The following CPSF4 variants were observed in gnomAD, a reference collection of about 807,000 sequenced individuals.
CPSF4 encodes cleavage and polyadenylation specific factor 4, also known as cleavage and polyadenylation specificity factor subunit 4.
Under a neutral mutation model 37.7 loss-of-function variants are expected in CPSF4, and 11 were observed. The ratio of observed to expected loss-of-function variants is 0.29; its 90% CI spans 0.18 to 0.48. The LOEUF (loss-of-function observed/expected upper bound fraction) is 0.48, where lower values mean the gene tolerates loss of function less well. Among genes scored for constraint, CPSF4 ranks in the 20% least tolerant of loss-of-function variants. The probability of loss-of-function intolerance (pLI) is 0.99; values close to 1 mark genes in which losing one functional copy is unlikely to be tolerated. For synonymous variants in CPSF4, 132 were observed against 135.9 expected (o/e 0.97, Z 0.20); for missense variants, 144 against 359.5 (o/e 0.40, Z 4.85).
In CPSF4 at chr7:99,448,304, T is replaced by C; in HGVS notation, c.307+31T>C. Reference sequence around the variant, plus strand: ...GCGCCTGGAGCCCTGGAGGCTCTGCTGAGAACCAGGGTGCAGAGGGGTCCG... The same window carrying C: ...GCGCCTGGAGCCCTGGAGGCTCTGCCGAGAACCAGGGTGCAGAGGGGTCCG... On this transcript the variant is annotated intron_variant, in intron 3 of 7. Coordinates refer to ENST00000292476, the MANE Select transcript of CPSF4 (RefSeq NM_006693.4). The surrounding 1 kb of genome is among the most constrained non-coding windows in gnomAD (Gnocchi z 4.4). 1 of 1,612,482 alleles carries C rather than the reference T, an allele frequency of 6.2e-7. No individual in the cohort carries two copies. Among genetic ancestry groups the C allele is most frequent in the Non-Finnish European group, 8.5e-7 (1 of 1,179,092 alleles).
At chr7:99,452,981 C>G (rs537333163) in intron 6 of CPSF4, 1 of 153,308 alleles carries the variant, frequency 6.5e-6, no homozygotes, top group South Asian at 2.1e-4. Flanking sequence ...CTCCAGTTTT[C>G]TAGATGAGGG....
intron 4 of CPSF4, 144 bp from the exon 5 acceptor site, chr7:99,450,557 GC>G (rs1797859113): frequency 2.5e-6 from 2 of 793,536 alleles, no homozygotes; most frequent in Non-Finnish European, 4.2e-6. Flanking sequence ...TGGTCCACCC[GC>G]TTTTTTGATA....
At chr7:99,443,051 T>C (rs775841892) in intron 1 of CPSF4, 10 of 1,131,390 alleles carry the variant, frequency 8.8e-6, no homozygotes, top group Non-Finnish European at 1.4e-5. Flanking sequence ...AACCAAATCT[T>C]TGAGCTCTTT....
chr7:99,454,534 C>G (rs1190130964), intron 7 of CPSF4, among the ~76,000 whole-genome samples: 1 of 152,102 alleles, frequency 6.6e-6, no homozygotes, highest in African/African-American at 2.4e-5. Context: ...GTTACAGCAC[C>G]CCTGTCCCCA....
At chr7:99,442,581 C>T (rs1442097707) in intron 1 of CPSF4, among the ~76,000 whole-genome samples, 6 of 133,614 alleles carry the variant, frequency 4.5e-5, no homozygotes, top group African/African-American at 1.2e-4. Context: ...GTGTGAACCC[C>T]GGTGGGGCAG....
At chr7:99,441,616 A>G in intron 1 of CPSF4, 1 of 440,546 alleles carries the variant, frequency 2.3e-6, no homozygotes, top group South Asian at 1.6e-5. Flanking sequence ...CATGAGACTC[A>G]GTTCCCAGAA....
intron 1 of CPSF4, among the ~76,000 whole-genome samples, chr7:99,440,674 A>ATATATGTTTTTTTTT: frequency 2.3e-5 from 2 of 88,130 alleles, no homozygotes; most frequent in African/African-American, 1.9e-4. Flanking sequence ...ATATATATAT[A>ATATATGTTTTTTTTT]TTTTTTTTTT....
chr7:99,440,616 G>T (rs1046016205), intron 1 of CPSF4, among the ~76,000 whole-genome samples: 2 of 140,640 alleles, frequency 1.4e-5, no homozygotes, highest in Non-Finnish European at 3.0e-5. Flanking sequence ...CTCGGCCTTC[G>T]GAAGTACTGG....
In CPSF4 at chr7:99,450,322, G is replaced by A; in HGVS notation, c.354G>A (p.Glu118=). Residue 118 remains glutamate, a synonymous_variant, in exon 4 of 8, where the codon GAG becomes GAA. Coordinates refer to ENST00000292476, the MANE Select transcript of CPSF4 (RefSeq NM_006693.4). ...KECPFLHIDP[E]SKIKDCPWYD... ...GTCCCTTCCTGCACATCGACCCCGA[G>A]TCCAAGATCAAGGACTGTCCTTGGT... is the stretch of plus-strand genomic sequence containing the variant. 4 of 1,613,988 alleles carry A rather than the reference G, an allele frequency of 2.5e-6. No homozygotes were observed. The highest frequency in any genetic ancestry group is 3.4e-6 in the Non-Finnish European group (4 of 1,179,938).
chr7:99,454,091 G>A lies in CPSF4; in HGVS notation c.696G>A (p.Ala232=), dbSNP rs770792634. ...TCATGCAGAGTCAAAACAGCAGCGC[G>A]GGCAACCGGGGACCCCGGCCACTGG... is the stretch of plus-strand genomic sequence containing the variant. ...IGVMQSQNSS[A]GNRGPRPLEQ... Residue 232 remains alanine (A), a synonymous_variant, in exon 7 of 8, where the codon GCG becomes GCA. Transcript: ENST00000292476. 1.1e-5 allele frequency: 18 copies of A among 1,613,972 alleles called. No individual in the cohort carries two copies. The highest frequency in any genetic ancestry group is 6.7e-5 in the African/African-American group (5 of 74,936).
chr7:99,450,175 T>G (rs1363811960), intron 3 of CPSF4, 101 bp from the exon 4 acceptor site: 1 of 860,916 alleles, frequency 1.2e-6, no homozygotes. Context: ...TCAGGGCTCG[T>G]CAGGCCAAAA....
chr7:99,450,911 CA>C, intron 5 of CPSF4, 116 bp downstream of exon 5: 2 of 717,174 alleles, frequency 2.8e-6, no homozygotes, highest in South Asian at 3.3e-5. Context: ...GTACCAGGGC[CA>C]AGGGTGGGGG....
chr7:99,447,889 C>T (rs1363220421), intron 2 of CPSF4: 16 of 575,596 alleles, frequency 2.8e-5, no homozygotes, highest in Non-Finnish European at 4.9e-5. Flanking sequence ...GGATTACCAG[C>T]GTGATCCACT....
At chr7:99,451,063 C>T (rs1797896764) in intron 5 of CPSF4, 2 of 391,712 alleles carry the variant, frequency 5.1e-6, no homozygotes, top group Non-Finnish European at 9.2e-6. Flanking sequence ...TACAGACAAA[C>T]ATGTAGCCTT....
intron 1 of CPSF4, chr7:99,439,411 C>T: frequency 2.1e-6 from 1 of 477,628 alleles, no homozygotes; most frequent in Non-Finnish European, 3.7e-6. Flanking sequence ...ACTCCCTCAT[C>T]TGTGGTCCCG....
chr7:99,447,190 T>C (rs939117797), intron 2 of CPSF4, among the ~76,000 whole-genome samples: 2 of 151,868 alleles, frequency 1.3e-5, no homozygotes, highest in East Asian at 1.9e-4. Context: ...CTCAAGTGAT[T>C]CTCCTGTCTT....
rs1269967887 is a variant in CPSF4 at position 99,453,780 on chromosome 7, G to C, written c.571-186G>C. 3.4e-6 allele frequency: 2 copies of C among 584,672 alleles called. No individual in the cohort carries two copies. Among genetic ancestry groups the C allele is most frequent in the Admixed American group, 6.0e-5 (2 of 33,270 alleles). The allele number at this position is 584,672 out of a possible 1,614,324, so 36.2% of individuals were successfully genotyped here. A position where few individuals can be genotyped will look rare whatever the true frequency, so the allele number is the denominator to read the frequency against. The stretch of plus-strand genomic sequence containing the variant: ...TTTGTGTGTCTGCATGGTGTTTTTC[G>C]GGCAGTGGCTTCTGCCATCATCACC... On this transcript the variant is annotated intron_variant, in intron 6 of 7. Transcript: ENST00000292476. This position sits in a 1 kb window ranked among gnomAD's most constrained non-coding sequence, Gnocchi z 4.7.
rs13310117 is a variant in CPSF4 at position 99,439,050 on chromosome 7, G to A, written c.-33G>A. ...GCGAGAAGGCTGCAGGAGACCGAGG[G>A]GGAGCCGGGCCGGTGGGGCCGCCGC... On this transcript the variant is annotated 5_prime_UTR_variant, in exon 1 of 8. Transcript: ENST00000292476. The A allele has an allele frequency of 2.3e-3, 3,717 of 1,585,138 alleles. 14 individuals carry two copies. Among genetic ancestry groups the A allele is most frequent in the Non-Finnish European group, 2.3e-3 (2,645 of 1,165,866 alleles).
At chr7:99,452,574 C>A in intron 6 of CPSF4, 134 bp downstream of exon 6, 2 of 772,670 alleles carry the variant, frequency 2.6e-6, no homozygotes, top group South Asian at 1.5e-5. Context: ...CCCAAGTTCC[C>A]GAAGAAAAGT....
Sources: allele counts gnomAD v4.1 joint callset (sites outside exome capture counted in the v4.1 genomes callset), GRCh38; gene constraint gnomAD v4.1.1; non-coding constraint Gnocchi (gnomAD v3.1); transcripts MANE v1.5; gene names NCBI Gene and HGNC (gene_info 2026-07-23, HGNC 2026-07-21).